Variants in TCERG1L observed in about 807,000 individuals in gnomAD.
The protein encoded by TCERG1L is transcription elongation regulator 1-like protein.
In TCERG1L, 37 loss-of-function variants were observed where a neutral mutation model predicts 56.3. The ratio of observed to expected loss-of-function variants is 0.66; its 90% confidence interval spans 0.51 to 0.87. The LOEUF (loss-of-function observed/expected upper bound fraction) is 0.87. Among genes scored for constraint, TCERG1L ranks in the 40% least tolerant of loss-of-function variants. The pLI is 0.00. For synonymous variants in TCERG1L, 324 were observed against 326.3 expected (o/e 0.99, Z 0.08); for missense variants, 799 against 774.2 (o/e 1.03, Z -0.38).
At position 131,267,149 on chromosome 10, in the gene TCERG1L, G is replaced by C. The variant is rs1232633698; in HGVS notation, c.671-6705C>G. On this transcript the variant is annotated intron_variant, in intron 3 of 11. Transcript: ENST00000368642. This position sits in a 1 kb window ranked among gnomAD's most constrained non-coding sequence, Gnocchi z 4.9. ...CCGCTTGCACCCAGGGGTACCCGCA[G>C]GCCAGTGCTGAGTTGCCACCAGCCC... 6.6e-6 allele frequency among the ~76,000 whole-genome samples: 1 copy of C among 152,140 alleles called. No individual in the cohort carries two copies. The highest frequency in any genetic ancestry group is 1.5e-5 in the Non-Finnish European group (1 of 68,008).
At chr10:131,241,000 G>T (rs1845965753) in intron 4 of TCERG1L, among the ~76,000 whole-genome samples, 1 of 152,234 alleles carries the variant, frequency 6.6e-6, no homozygotes, top group African/African-American at 2.4e-5. Context: ...CACCGGGAAA[G>T]CACGGCCAAG....
intron 4 of TCERG1L, among the ~76,000 whole-genome samples, chr10:131,200,802 A>G (rs576625714): frequency 6.6e-6 from 1 of 152,280 alleles, no homozygotes; most frequent in East Asian, 1.9e-4. Flanking sequence ...GTCCCCTCTA[A>G]AATTTAGAAG....
At chr10:131,115,547 G>T (rs912899715) in intron 9 of TCERG1L, among the ~76,000 whole-genome samples, 5 of 43,378 alleles carry the variant, frequency 1.2e-4, no homozygotes, top group African/African-American at 3.5e-4. Context: ...GTGCCTCTCA[G>T]CACGTGTGTT....
chr10:131,163,328 G>A (rs1324191794), intron 5 of TCERG1L, 118 bp from the exon 6 acceptor site: 4 of 786,170 alleles, frequency 5.1e-6, no homozygotes, highest in South Asian at 2.0e-5. Context: ...TAGTAGCCAC[G>A]AGATAATGAC....
intron 4 of TCERG1L, among the ~76,000 whole-genome samples, chr10:131,245,951 G>A (rs556407934): frequency 6.6e-6 from 1 of 152,226 alleles, no homozygotes; most frequent in African/African-American, 2.4e-5. Flanking sequence ...GCAAGGTCCA[G>A]GGCCCTTGCT....
intron 4 of TCERG1L, among the ~76,000 whole-genome samples, chr10:131,220,116 G>A (rs1387439946): frequency 1.3e-5 from 2 of 152,208 alleles, no homozygotes; most frequent in African/African-American, 4.8e-5. Flanking sequence ...TGGCCTTTCA[G>A]AGCCTCCAAG....
rs1248929252 is a variant in TCERG1L at position 131,103,226 on chromosome 10, G to A, written c.1485+1039C>T. Among the ~76,000 whole-genome samples, 2 of 151,890 alleles carry A rather than the reference G, an allele frequency of 1.3e-5. No homozygotes were observed. Among genetic ancestry groups the A allele is most frequent in the African/African-American group, 4.8e-5 (2 of 41,344 alleles). ...CATCGTAAATGACAAGAATATTCAG[G>A]GAGGTAAAAAAAAGGCAATAATTTT... On this transcript the variant is annotated intron_variant, in intron 10 of 11. Coordinates refer to ENST00000368642, the MANE Select transcript of TCERG1L (RefSeq NM_174937.4). The surrounding 1 kb of genome is among the most constrained non-coding windows in gnomAD (Gnocchi z 4.3).
At chr10:131,130,279 T>C (rs7895423) in intron 8 of TCERG1L, among the ~76,000 whole-genome samples, 1 of 151,940 alleles carries the variant, frequency 6.6e-6, no homozygotes, top group African/African-American at 2.4e-5. Context: ...AGGGAAAGAC[T>C]GCCCTGGTGA....
rs1846836796 is a variant in TCERG1L at position 131,308,285 on chromosome 10, G to C, written c.596C>G (p.Ala199Gly). Residue 199 changes from alanine (A) to glycine (G), a missense_variant, in exon 3 of 12, where the codon GCT (alanine) becomes GGT (glycine). By Grantham distance (60) the Ala-to-Gly change is moderately conservative. Coordinates refer to ENST00000368642, the MANE Select transcript of TCERG1L (RefSeq NM_174937.4). ...AGGAGCCGGCCTGGACAGAGACACA[G>C]CTACTTGATTTGCCAGCAAACGAGG... ...EKPRLLANQVAVSLSRPAPAS... is the reference protein window; with the variant it reads ...EKPRLLANQVGVSLSRPAPAS... 1 of 1,613,914 alleles carries C rather than the reference G, an allele frequency of 6.2e-7. No homozygotes were observed. The highest frequency in any genetic ancestry group is 1.7e-5 in the Admixed American group (1 of 60,008).
intron 6 of TCERG1L, among the ~76,000 whole-genome samples, chr10:131,147,181 G>C (rs4751330): frequency 0.62 from 93,837 of 152,122 alleles, 33,306 homozygotes; most frequent in Non-Finnish European, 0.8. Flanking sequence ...CACAGCCCCG[G>C]TGTCCTGCTC....
rs553962983 is a variant in TCERG1L, at chr10:131,245,603, G to A, written c.856+14656C>T. ...CTCACGGTCCTCCCTGGGAAACTAC[G>A]TGTCCTGCCCACAGGCCGCCGCCAC... On this transcript the variant is annotated intron_variant, in intron 4 of 11. Coordinates refer to ENST00000368642, the MANE Select transcript of TCERG1L (RefSeq NM_174937.4). Among the ~76,000 whole-genome samples the A allele has an allele frequency of 9.9e-5, 15 of 152,258 alleles. No individual in the cohort carries two copies. In the East Asian group the frequency reaches 1.5e-3, roughly 16 times the overall value.
intron 8 of TCERG1L, among the ~76,000 whole-genome samples, chr10:131,130,087 TAAA>T (rs34675215): frequency 8.6e-6 from 1 of 116,110 alleles, no homozygotes; most frequent in Non-Finnish European, 1.9e-5. Context: ...GGGTGATTTA[TAAA>T]AAAAAAAAAA....
At chr10:131,115,792 C>T (rs773024192) in intron 9 of TCERG1L, among the ~76,000 whole-genome samples, 18 of 152,266 alleles carry the variant, frequency 1.2e-4, no homozygotes, top group African/African-American at 4.3e-4. Context: ...GTTCTCTGTT[C>T]CCCCAAGGCT....
intron 11 of TCERG1L, among the ~76,000 whole-genome samples, chr10:131,097,288 T>C (rs1257213450): frequency 1.3e-5 from 2 of 152,188 alleles, no homozygotes; most frequent in African/African-American, 4.8e-5. Flanking sequence ...TAACCATTTT[T>C]ATGCTTACGA....
rs1286322266 is a variant in TCERG1L at position 131,113,797 on chromosome 10, C to T, written c.1395+3002G>A. The stretch of plus-strand genomic sequence containing the variant: ...TAGAGTATTCTCAAAAGGACTTTCT[C>T]TCCTGGCCCCTGGGTGAGCATCACC... On this transcript the variant is annotated intron_variant, in intron 9 of 11. Coordinates refer to ENST00000368642, the MANE Select transcript of TCERG1L (RefSeq NM_174937.4). 3.5e-5 allele frequency among the ~76,000 whole-genome samples: 5 copies of T among 142,034 alleles called. 1 individual carries two copies. In the East Asian group the frequency reaches 1.2e-3, roughly 34 times the overall value. 93.2% of individuals were successfully genotyped at this position (142,034 alleles called of 152,430 possible).
In TCERG1L at chr10:131,267,491, C is replaced by A. The variant is rs1846299247; in HGVS notation, c.671-7047G>T. 6.6e-6 allele frequency among the ~76,000 whole-genome samples: 1 copy of A among 152,212 alleles called. No individual in the cohort carries two copies. The highest frequency in any genetic ancestry group is 2.1e-4 in the South Asian group (1 of 4,824). On this transcript the variant is annotated intron_variant, in intron 3 of 11. Transcript: ENST00000368642. This position sits in a 1 kb window ranked among gnomAD's most constrained non-coding sequence, Gnocchi z 4.9. ...AACTTGAGGGGGGTCATGGCTCCTG[C>A]CTGTCCCAGCTCTGCAAAGTGAGCA...
chr10:131,195,063 T>TC (rs1029103929), intron 4 of TCERG1L, among the ~76,000 whole-genome samples: 2 of 152,148 alleles, frequency 1.3e-5, no homozygotes, highest in Admixed American at 1.3e-4. Flanking sequence ...CTTCCTTCCC[T>TC]CCTGGCCCAG....
At chr10:131,180,382 A>T (rs1301914570) in intron 4 of TCERG1L, among the ~76,000 whole-genome samples, 1 of 152,240 alleles carries the variant, frequency 6.6e-6, no homozygotes, top group Non-Finnish European at 1.5e-5. Context: ...AACTCTAAGG[A>T]CACCAATGTA....
intron 4 of TCERG1L, among the ~76,000 whole-genome samples, chr10:131,212,531 A>C (rs752601905): frequency 1.3e-4 from 20 of 152,236 alleles, no homozygotes; most frequent in South Asian, 4.1e-4. Flanking sequence ...TAAAGCACCT[A>C]TAATTAAAAG....
Sources: allele counts gnomAD v4.1 joint callset (sites outside exome capture counted in the v4.1 genomes callset), GRCh38; gene constraint gnomAD v4.1.1; non-coding constraint Gnocchi (gnomAD v3.1); transcripts MANE v1.5; gene names NCBI Gene and HGNC (gene_info 2026-07-23, HGNC 2026-07-21).